TMCO5A: variants seen among roughly 807,000 people sequenced by gnomAD.
TMCO5A encodes transmembrane and coiled-coil domains 5A.
In TMCO5A, 34 loss-of-function variants were observed where a neutral mutation model predicts 42.3. That is an observed-to-expected ratio of 0.80 (90% CI 0.61 to 1.07). The LOEUF (loss-of-function observed/expected upper bound fraction) is 1.07. TMCO5A is among the 50% of genes least tolerant of loss of function. TMCO5A has a pLI of 0.00. For synonymous variants in TMCO5A, 131 were observed against 115.6 expected (o/e 1.13, Z -0.86); for missense variants, 357 against 327.9 (o/e 1.09, Z -0.69).
At chr15:38,024,955 G>A in the TMCO5A span, 2 of 152,424 alleles carry the variant, frequency 1.3e-5, no homozygotes, top group African/African-American at 2.4e-5. Context: ...TGAACCTACT[G>A]GCACCTTGAT....
chr15:37,953,133 G>A (rs1595601963), downstream of TMCO5A, among the ~76,000 whole-genome samples: 1 of 152,308 alleles, frequency 6.6e-6, no homozygotes, highest in South Asian at 2.1e-4. Flanking sequence ...AGGGCCAGGG[G>A]TAACTCACCA....
Position 37,949,413 on chromosome 15 carries a change from C to T in TMCO5A, c.669-1623C>T, listed in dbSNP as rs12324362. On this transcript the variant is annotated intron_variant, in intron 11 of 11. Transcript: ENST00000319669. Reference sequence around the variant, plus strand: ...ATAACCTGGACAGTTTTAAAGAGCACGGAGTGGGGAACATGCCCTTCCAGA... The same window carrying T: ...ATAACCTGGACAGTTTTAAAGAGCATGGAGTGGGGAACATGCCCTTCCAGA... Among the ~76,000 whole-genome samples, 5 of 152,024 alleles carry T rather than the reference C, an allele frequency of 3.3e-5. No individual in the cohort carries two copies. In the South Asian group the frequency reaches 6.2e-4, roughly 19 times the overall value.
chr15:37,950,930 C>A, intron 11 of TMCO5A, 106 bp from the exon 12 acceptor site: 1 of 928,098 alleles, frequency 1.1e-6, no homozygotes, highest in Non-Finnish European at 1.7e-6. Context: ...GGTGATAATC[C>A]ATTTGAATAT....
intron 5 of TMCO5A, among the ~76,000 whole-genome samples, chr15:37,937,803 C>T (rs565551424): frequency 6.6e-6 from 1 of 152,220 alleles, no homozygotes; most frequent in South Asian, 2.1e-4. Flanking sequence ...TAGCCATTTC[C>T]AATGCCTCAA....
chr15:37,985,310 T>C, the TMCO5A span, among the ~76,000 whole-genome samples: 24 of 152,202 alleles, frequency 1.6e-4, no homozygotes, highest in South Asian at 2.1e-4. Flanking sequence ...TAGGTAGGTG[T>C]TAATTTTTCT....
At chr15:38,038,019 A>AT in the TMCO5A span, among the ~76,000 whole-genome samples, 1 of 151,804 alleles carries the variant, frequency 6.6e-6, no homozygotes, top group African/African-American at 2.4e-5. Flanking sequence ...TCTCAAAAAA[A>AT]AAAAATAAAA....
At chr15:37,985,512 C>T in the TMCO5A span, among the ~76,000 whole-genome samples, 4 of 152,094 alleles carry the variant, frequency 2.6e-5, no homozygotes, top group African/African-American at 9.7e-5. Flanking sequence ...CTGTGGATAG[C>T]TATAGAAAAT....
At chr15:37,990,722 C>A in the TMCO5A span, among the ~76,000 whole-genome samples, 1 of 151,962 alleles carries the variant, frequency 6.6e-6, no homozygotes, top group Non-Finnish European at 1.5e-5. Flanking sequence ...TTACTGTCTT[C>A]TTTTGTGTTT....
the TMCO5A span, among the ~76,000 whole-genome samples, chr15:38,008,497 C>T: frequency 1.5e-4 from 23 of 152,238 alleles, 1 homozygote; most frequent in Non-Finnish European, 2.2e-4. Flanking sequence ...ATTCATAAAG[C>T]ATCTGTCCTT....
At chr15:38,037,831 G>A in the TMCO5A span, among the ~76,000 whole-genome samples, 1 of 152,106 alleles carries the variant, frequency 6.6e-6, no homozygotes, top group Non-Finnish European at 1.5e-5. Context: ...TGGTAAATAT[G>A]GTGAAACCCC....
At chr15:38,025,530 CA>C in the TMCO5A span, among the ~76,000 whole-genome samples, 2 of 152,118 alleles carry the variant, frequency 1.3e-5, no homozygotes, top group Non-Finnish European at 2.9e-5. Context: ...GGGAAAAATA[CA>C]ACTACTCTAT....
chr15:38,001,066 T>C, the TMCO5A span, among the ~76,000 whole-genome samples: 1 of 152,104 alleles, frequency 6.6e-6, no homozygotes, highest in Admixed American at 6.5e-5. Flanking sequence ...CTTTTCAGTC[T>C]AGGAGATATG....
the TMCO5A span, among the ~76,000 whole-genome samples, chr15:37,984,334 G>A: frequency 6.6e-6 from 1 of 152,122 alleles, no homozygotes; most frequent in Non-Finnish European, 1.5e-5. Context: ...AGAAGCAGTA[G>A]GAGAGAAAGC....
At chr15:38,034,663 C>T in the TMCO5A span, among the ~76,000 whole-genome samples, 4 of 152,118 alleles carry the variant, frequency 2.6e-5, no homozygotes, top group Admixed American at 2.6e-4. Context: ...CAATGACAAT[C>T]CACATGCTAC....
At chr15:38,012,410 T>C in the TMCO5A span, among the ~76,000 whole-genome samples, 1 of 152,164 alleles carries the variant, frequency 6.6e-6, no homozygotes, top group East Asian at 1.9e-4. Context: ...TCAATTTATC[T>C]CATCAAGCCT....
intron 6 of TMCO5A, among the ~76,000 whole-genome samples, chr15:37,940,465 A>C (rs1250705400): frequency 6.6e-6 from 1 of 152,130 alleles, no homozygotes; most frequent in East Asian, 1.9e-4. Flanking sequence ...ACTTTAGCTC[A>C]AGTATCATCA....
chr15:37,953,206 C>T (rs1049863819), downstream of TMCO5A, among the ~76,000 whole-genome samples: 1 of 152,136 alleles, frequency 6.6e-6, no homozygotes, highest in African/African-American at 2.4e-5. Flanking sequence ...GCCCCCAGGG[C>T]CTTGAGTGAA....
At chr15:37,945,204 T>C (rs187180838) in intron 10 of TMCO5A, among the ~76,000 whole-genome samples, 1 of 152,252 alleles carries the variant, frequency 6.6e-6, no homozygotes, top group Non-Finnish European at 1.5e-5. Context: ...AAGGACATGA[T>C]ATCATTCCTT....
chr15:37,993,427 G>T, the TMCO5A span: 3 of 151,812 alleles, frequency 2.0e-5, no homozygotes, highest in African/African-American at 7.3e-5. Flanking sequence ...TGAGCCTGAG[G>T]TGTCAGCATC....
Sources: allele counts gnomAD v4.1 joint callset (sites outside exome capture counted in the v4.1 genomes callset), GRCh38; gene constraint gnomAD v4.1.1; transcripts MANE v1.5; gene names NCBI Gene and HGNC (gene_info 2026-07-23, HGNC 2026-07-21).